Variants in WDR20 observed in about 807,000 individuals in gnomAD.
The protein encoded by WDR20 is WD repeat domain 20, also known as WD repeat-containing protein 20.
A neutral mutation model predicts 38.7 loss-of-function variants in WDR20; 3 were observed. The observed-to-expected ratio is 0.08, with a 90% CI of 0.04 to 0.20. WDR20 has a LOEUF of 0.20. WDR20 is among the 10% of genes least tolerant of loss of function. The pLI, the probability that WDR20 is intolerant of heterozygous loss-of-function variation, is 1.00. For synonymous variants in WDR20, 298 were observed against 285.6 expected, an observed-to-expected ratio of 1.04 and a Z score of -0.44; for missense variants, 559 against 727.7, an observed-to-expected ratio of 0.77 and a Z score of 2.67.
chr14:102,140,532 C>T (rs1048725792), intron 1 of WDR20, among the ~76,000 whole-genome samples: 2 of 152,150 alleles, frequency 1.3e-5, no homozygotes, highest in Non-Finnish European at 2.9e-5. Context: ...TTGTCTGCTT[C>T]GATTGCCTCG....
At position 102,209,627 on chromosome 14, in the gene WDR20, A is replaced by G; in HGVS notation, c.1457A>G (p.His486Arg). The change falls in exon 3 of 3, where the codon CAC (histidine) becomes CGC (arginine). Residue 486 changes from histidine (H) to arginine (R), a missense_variant. Transcript: ENST00000342702. The surrounding 1 kb of genome is among the most constrained non-coding windows in gnomAD (Gnocchi z 6.0). ...CACAAGCGAAATCATAGCATGGGAC[A>G]CATTTCTAGCAAGAGCAGTGACAAA... is the stretch of plus-strand genomic sequence containing the variant. Reference protein sequence around the residue: ...KDHKRNHSMGHISSKSSDKLN... With the variant: ...KDHKRNHSMGRISSKSSDKLN... 1 of 1,614,202 alleles carries G rather than the reference A, an allele frequency of 6.2e-7. No homozygotes were observed. Among genetic ancestry groups the G allele is most frequent in the East Asian group, 2.2e-5 (1 of 44,890 alleles).
Position 102,210,353 on chromosome 14 carries a change from T to C in WDR20, c.*473T>C, listed in dbSNP as rs941217394. ...CCAATTTTTTATCTTAATCATAAAATGTTTAGGAATCTATGAAATTTAACT... is the reference window on the plus strand; with the variant it reads ...CCAATTTTTTATCTTAATCATAAAACGTTTAGGAATCTATGAAATTTAACT... On this transcript the variant is annotated 3_prime_UTR_variant, in exon 3 of 3. Coordinates refer to ENST00000342702, the MANE Select transcript of WDR20 (RefSeq NM_144574.4). 1 of 985,854 alleles carries C rather than the reference T, an allele frequency of 1.0e-6. No homozygotes were observed. The highest frequency in any genetic ancestry group is 1.7e-5 in the African/African-American group (1 of 57,252). 61.1% of individuals were successfully genotyped at this position (985,854 alleles called of 1,614,324 possible). A position where few individuals can be genotyped will look rare whatever the true frequency, so the allele number is the denominator to read the frequency against.
chr14:102,219,098 GCT>G (rs1476050286), downstream of WDR20, among the ~76,000 whole-genome samples: 1 of 152,234 alleles, frequency 6.6e-6, no homozygotes, highest in Non-Finnish European at 1.5e-5. Context: ...CCCACGCTGT[GCT>G]CTCGAGGGAA....
At chr14:102,172,417 G>A (rs2061033768) in intron 1 of WDR20, among the ~76,000 whole-genome samples, 1 of 151,480 alleles carries the variant, frequency 6.6e-6, no homozygotes, top group Non-Finnish European at 1.5e-5. Context: ...TCAATGAGCT[G>A]TTGGGCACAC....
At chr14:102,149,143 CAG>C (rs2054820299) in intron 1 of WDR20, among the ~76,000 whole-genome samples, 1 of 152,278 alleles carries the variant, frequency 6.6e-6, no homozygotes, top group South Asian at 2.1e-4. Flanking sequence ...GCCTGGGCGA[CAG>C]AGTGAGACTC....
intron 2 of WDR20, among the ~76,000 whole-genome samples, chr14:102,200,994 A>G (rs759537799): frequency 6.6e-5 from 10 of 152,262 alleles, no homozygotes; most frequent in African/African-American, 2.4e-4. Context: ...TGTTCTGTCT[A>G]TTCTGATACA....
intron 2 of WDR20, among the ~76,000 whole-genome samples, chr14:102,197,418 T>C (rs1422672565): frequency 1.3e-5 from 2 of 152,206 alleles, no homozygotes; most frequent in African/African-American, 4.8e-5. Flanking sequence ...TTTTTTAAAA[T>C]GTTAAGTTCA....
intron 1 of WDR20, among the ~76,000 whole-genome samples, chr14:102,162,878 C>T (rs910832718): frequency 6.6e-6 from 1 of 152,174 alleles, no homozygotes; most frequent in Non-Finnish European, 1.5e-5. Flanking sequence ...TCCCAAAGTG[C>T]TGGGATTACA....
intron 1 of WDR20, among the ~76,000 whole-genome samples, chr14:102,141,661 A>G (rs1198142405): frequency 6.6e-6 from 1 of 152,114 alleles, no homozygotes; most frequent in Non-Finnish European, 1.5e-5. Flanking sequence ...GCACGTTGTA[A>G]TTAATAATAT....
chr14:102,185,336 G>A (rs1454552317), intron 1 of WDR20, among the ~76,000 whole-genome samples: 1 of 152,146 alleles, frequency 6.6e-6, no homozygotes, highest in African/African-American at 2.4e-5. Flanking sequence ...TTGAAAAGAA[G>A]AGGTAGATCT....
At chr14:102,195,491 A>C (rs908582783) in intron 2 of WDR20, among the ~76,000 whole-genome samples, 10 of 152,252 alleles carry the variant, frequency 6.6e-5, no homozygotes, top group Admixed American at 3.3e-4. Context: ...GAACTTGATG[A>C]CATTTCCTTA....
downstream of WDR20, chr14:102,214,951 T>G: frequency 1.6e-5 from 16 of 985,376 alleles, no homozygotes; most frequent in Non-Finnish European, 1.9e-5. Context: ...TGAAGTACTG[T>G]GGGGCTGTCC....
At chr14:102,147,212 C>T (rs1383589396) in intron 1 of WDR20, among the ~76,000 whole-genome samples, 2 of 152,014 alleles carry the variant, frequency 1.3e-5, no homozygotes, top group Non-Finnish European at 2.9e-5. Context: ...CTGGCCAACA[C>T]GGGGAAACCA....
chr14:102,217,569 G>A (rs1001730816), downstream of WDR20, among the ~76,000 whole-genome samples: 3 of 152,230 alleles, frequency 2.0e-5, no homozygotes, highest in African/African-American at 4.8e-5. Context: ...CAAACTGCAC[G>A]GCAAGTCTGG....
chr14:102,162,834 A>G (rs966414123), intron 1 of WDR20, among the ~76,000 whole-genome samples: 1 of 152,122 alleles, frequency 6.6e-6, no homozygotes, highest in African/African-American at 2.4e-5. Context: ...CTGGTCTTGA[A>G]TTACTGGACT....
chr14:102,171,225 C>A (rs986500481), intron 1 of WDR20, among the ~76,000 whole-genome samples: 4 of 147,118 alleles, frequency 2.7e-5, no homozygotes, highest in African/African-American at 9.9e-5. Flanking sequence ...GCTGGAATTA[C>A]AGGTGCAAGC....
At chr14:102,211,842 CTAAA>C (rs781402361), downstream of WDR20, among the ~76,000 whole-genome samples, 3 of 152,188 alleles carry the variant, frequency 2.0e-5, no homozygotes, top group Non-Finnish European at 4.4e-5. This position sits in a 1 kb window ranked among gnomAD's most constrained non-coding sequence, Gnocchi z 4.2. Context: ...AGTATTTGGC[CTAAA>C]TAGAGAGTGG....
downstream of WDR20, among the ~76,000 whole-genome samples, chr14:102,215,324 GA>G (rs2063086427): frequency 6.6e-6 from 1 of 152,200 alleles, no homozygotes; most frequent in Non-Finnish European, 1.5e-5. Context: ...CAGACATTCT[GA>G]AGTCGTCCTG....
At chr14:102,212,685 G>A, downstream of WDR20, 3 of 1,495,916 alleles carry the variant, frequency 2.0e-6, no homozygotes, top group East Asian at 2.5e-5. Flanking sequence ...ACCTGGGGAG[G>A]GCCTGGGGAG....
Sources: gnomAD v4.1 joint callset for allele counts (sites outside exome capture counted in the v4.1 genomes callset) on GRCh38, gnomAD v4.1.1 for gene constraint, Gnocchi (gnomAD v3.1) non-coding constraint, MANE v1.5 for transcripts, NCBI Gene and HGNC (gene_info 2026-07-23, HGNC 2026-07-21) for gene names.